The following TCF4 variants were observed in gnomAD, a reference collection of about 807,000 sequenced individuals.
TCF4 encodes the protein transcription factor 4, also known as SL3-3 enhancer factor 2.
A neutral mutation model predicts 82.1 loss-of-function variants in TCF4; 3 were observed. The observed-to-expected ratio is 0.04, with a 90% CI of 0.02 to 0.09. The LOEUF (loss-of-function observed/expected upper bound fraction) is 0.09, where lower values mean the gene tolerates loss of function less well. TCF4 is among the 10% of genes least tolerant of loss of function. TCF4 has a pLI of 1.00. For synonymous variants in TCF4, 276 were observed against 309.6 expected, an observed-to-expected ratio of 0.89 and a Z score of 1.14; for missense variants, 518 against 852.7, an observed-to-expected ratio of 0.61 and a Z score of 4.89.
At position 55,445,307 on chromosome 18, in the gene TCF4, G is replaced by A. The variant is rs142226970; in HGVS notation, c.304+15712C>T. On this transcript the variant is annotated intron_variant, in intron 5 of 19. Coordinates refer to ENST00000354452, the MANE Select transcript of TCF4 (RefSeq NM_001083962.2). ...TTTTATACTGCTATGAAGAAATACC[G>A]GAGATGGTACAATTTATAGATTTTA... 2.5e-3 allele frequency among the ~76,000 whole-genome samples: 382 copies of A among 151,930 alleles called. 1 individual carries two copies. Among genetic ancestry groups the A allele is most frequent in the Admixed American group, 5.0e-3 (77 of 15,256 alleles).
At chr18:55,555,765 T>C (rs555128018) in intron 3 of TCF4, among the ~76,000 whole-genome samples, 3 of 152,348 alleles carry the variant, frequency 2.0e-5, no homozygotes, top group Admixed American at 2.0e-4. Flanking sequence ...GTAACTGCAT[T>C]AGAAAGCAAT....
At chr18:55,491,444 C>A (rs780117151) in intron 3 of TCF4, among the ~76,000 whole-genome samples, 22 of 152,168 alleles carry the variant, frequency 1.4e-4, no homozygotes, top group Non-Finnish European at 2.9e-4. Context: ...GCAATTATAT[C>A]CCTAACTATC....
chr18:55,469,048 AC>A (rs919361451), intron 3 of TCF4, among the ~76,000 whole-genome samples: 3 of 152,144 alleles, frequency 2.0e-5, no homozygotes, highest in African/African-American at 7.2e-5. Context: ...TTCTTATTTT[AC>A]CCTAAACCAA....
At chr18:55,631,577 G>A (rs2097731659) in intron 1 of TCF4, among the ~76,000 whole-genome samples, 1 of 139,006 alleles carries the variant, frequency 7.2e-6, no homozygotes, top group South Asian at 2.1e-4. Context: ...ACTTCTATCT[G>A]CTGCAAATAC....
At chr18:55,344,964 C>CA (rs1233018934) in intron 8 of TCF4, among the ~76,000 whole-genome samples, 1 of 152,122 alleles carries the variant, frequency 6.6e-6, no homozygotes, top group Non-Finnish European at 1.5e-5. Flanking sequence ...AAAATATGCA[C>CA]ACCAGAAGCC....
intron 3 of TCF4, among the ~76,000 whole-genome samples, chr18:55,523,011 T>C (rs932379991): frequency 1.1e-4 from 17 of 152,060 alleles, no homozygotes. Flanking sequence ...CACTGTTTCT[T>C]TACTGGCCAC....
intron 3 of TCF4, among the ~76,000 whole-genome samples, chr18:55,582,859 A>G (rs1018498257): frequency 1.3e-5 from 2 of 152,162 alleles, no homozygotes; most frequent in African/African-American, 4.8e-5. Flanking sequence ...AAGACAATGG[A>G]TATTAACTTG....
At chr18:55,523,382 G>A (rs1157545209) in intron 3 of TCF4, among the ~76,000 whole-genome samples, 1 of 151,736 alleles carries the variant, frequency 6.6e-6, no homozygotes, top group Non-Finnish European at 1.5e-5. Flanking sequence ...ATAAATTCAG[G>A]AAACACTACA....
chr18:55,278,524 T>C (rs766474131), intron 9 of TCF4, among the ~76,000 whole-genome samples: 1 of 152,122 alleles, frequency 6.6e-6, no homozygotes, highest in Non-Finnish European at 1.5e-5. Context: ...ATTTCAAACA[T>C]CTTGGTCTTT....
chr18:55,599,991 G>T (rs1400421619), intron 2 of TCF4, among the ~76,000 whole-genome samples: 1 of 152,096 alleles, frequency 6.6e-6, no homozygotes, highest in African/African-American at 2.4e-5. Context: ...ACTCCATGTG[G>T]CTTCTGTCAC....
intron 3 of TCF4, among the ~76,000 whole-genome samples, chr18:55,495,264 C>T (rs1440153996): frequency 6.6e-6 from 1 of 150,422 alleles, no homozygotes; most frequent in Non-Finnish European, 1.5e-5. Flanking sequence ...TTCTGTCACA[C>T]TTAGCCAGCC....
intron 3 of TCF4, among the ~76,000 whole-genome samples, chr18:55,568,799 T>C (rs2097432740): frequency 6.6e-6 from 1 of 152,164 alleles, no homozygotes; most frequent in African/African-American, 2.4e-5. Context: ...AAAAATATTA[T>C]ATGCCAATCT....
intron 3 of TCF4, among the ~76,000 whole-genome samples, chr18:55,497,391 C>A (rs2096649090): frequency 6.6e-6 from 1 of 151,946 alleles, no homozygotes; most frequent in Non-Finnish European, 1.5e-5. Flanking sequence ...ATAATATATG[C>A]ACATACATTT....
chr18:55,588,142 G>GCT lies in TCF4; in HGVS notation c.-126_-125insAG, dbSNP rs1568471604. The GCT allele has an allele frequency of 9.3e-7, 1 of 1,072,860 alleles. No individual in the cohort carries two copies. Among genetic ancestry groups the GCT allele is most frequent in the African/African-American group, 1.7e-5 (1 of 59,180 alleles). The allele number at this position is 1,072,860 out of a possible 1,614,324, so 66.5% of individuals were successfully genotyped here. On this transcript the variant is annotated 5_prime_UTR_variant, in exon 1 of 20. Transcript: ENST00000354452. ...GCCGCCTGCTCCTGCGCCCGCTCCCGCGCCTGCTGCCTCCCCGCCGCCGCC... is the reference window on the plus strand; with the variant it reads ...GCCGCCTGCTCCTGCGCCCGCTCCCGCTCGCCTGCTGCCTCCCCGCCGCCGCC...
intron 3 of TCF4, among the ~76,000 whole-genome samples, chr18:55,474,469 C>T (rs1306265287): frequency 1.3e-5 from 2 of 152,186 alleles, no homozygotes; most frequent in African/African-American, 4.8e-5. Context: ...TAAATTTCCA[C>T]TCTTTCAATT....
chr18:55,430,314 G>C (rs991379951), intron 5 of TCF4, among the ~76,000 whole-genome samples: 4 of 152,152 alleles, frequency 2.6e-5, no homozygotes. Context: ...GTAAGTGGGG[G>C]GAAGCAGAAT....
intron 15 of TCF4, among the ~76,000 whole-genome samples, chr18:55,250,686 C>G (rs1185069432): frequency 6.6e-6 from 1 of 152,194 alleles, no homozygotes; most frequent in Non-Finnish European, 1.5e-5. Context: ...TGCCAACTCA[C>G]ACTCACAGAA....
chr18:55,354,050 G>A (rs1166507908), intron 6 of TCF4, among the ~76,000 whole-genome samples: 1 of 152,174 alleles, frequency 6.6e-6, no homozygotes, highest in Non-Finnish European at 1.5e-5. Context: ...GTGGCATCTG[G>A]CAGAGCTAAC....
At chr18:55,327,844 A>G (rs1328442173) in intron 8 of TCF4, among the ~76,000 whole-genome samples, 1 of 152,190 alleles carries the variant, frequency 6.6e-6, no homozygotes, top group African/African-American at 2.4e-5. Flanking sequence ...AGACAGCAGC[A>G]TGCAAAATAG....
Sources: gnomAD v4.1 joint callset for allele counts (sites outside exome capture counted in the v4.1 genomes callset) on GRCh38, gnomAD v4.1.1 for gene constraint, MANE v1.5 for transcripts, NCBI Gene and HGNC (gene_info 2026-07-23, HGNC 2026-07-21) for gene names.